DMXL1: variants seen among roughly 807,000 people sequenced by gnomAD.
The protein encoded by DMXL1 is Dmx like 1.
DMXL1 carries 99 observed loss-of-function variants against 319.2 expected under a neutral mutation model. The observed-to-expected ratio is 0.31, with a 90% confidence interval of 0.26 to 0.37. The LOEUF is 0.37. Ranked by LOEUF, DMXL1 falls within the 10% of genes least tolerant of loss-of-function variation. The pLI, the probability that DMXL1 is intolerant of heterozygous loss-of-function variation, is 1.00. For synonymous variants in DMXL1, 1,385 were observed against 1,235.2 expected, an observed-to-expected ratio of 1.12 and a Z score of -2.54; for missense variants, 3,745 against 3,595.6, an observed-to-expected ratio of 1.04 and a Z score of -1.06.
Position 119,147,264 on chromosome 5 carries a change from C to T in DMXL1, c.2705C>T (p.Thr902Ile), listed in dbSNP as rs1231310602. 1.2e-6 allele frequency: 2 copies of T among 1,612,414 alleles called. No homozygotes were observed. Among genetic ancestry groups the T allele is most frequent in the African/African-American group, 2.7e-5 (2 of 74,796 alleles). The change falls in exon 17 of 44, where the codon ACA (threonine) becomes ATA (isoleucine). Residue 902 changes from threonine (T) to isoleucine (I), a missense_variant. Physicochemically the swap from Thr to Ile is moderately conservative, Grantham distance 89. Transcript: ENST00000539542. Reference sequence around the variant, plus strand: ...TGTTTTGTAGATGAAAAAGTAGATACAAAATTATCCGAAGCGGTTTGGCAG... The same window carrying T: ...TGTTTTGTAGATGAAAAAGTAGATATAAAATTATCCGAAGCGGTTTGGCAG... ...IPVSLDEKVD[T>I]KLSEAVWQPE...
intron 1 of DMXL1, among the ~76,000 whole-genome samples, chr5:119,082,755 A>G (rs952390468): frequency 1.3e-5 from 2 of 152,246 alleles, no homozygotes; most frequent in East Asian, 3.8e-4. Flanking sequence ...TTTGAAATAT[A>G]CAATAGATTA....
At chr5:119,209,367 A>T (rs58523349) in intron 34 of DMXL1, among the ~76,000 whole-genome samples, 19,795 of 137,728 alleles carry the variant, frequency 0.14, 1,437 homozygotes, top group South Asian at 0.23. Flanking sequence ...TTTTTTTTTT[A>T]AAAGGCAGGG....
rs866249976 is a variant in DMXL1, at chr5:119,124,026, G to T, written c.1102+2887G>T. On this transcript the variant is annotated intron_variant, in intron 9 of 43. Transcript: ENST00000539542. ...CATTCATATCAAAAGTAACACCAAG[G>T]AGCTGGGCATGGTCACTCATACCTG... Among the ~76,000 whole-genome samples, 3 of 151,384 alleles carry T rather than the reference G, an allele frequency of 2.0e-5. No homozygotes were observed. In the Middle Eastern group the frequency reaches 0.01, roughly 515 times the overall value.
chr5:119,196,793 G>C lies in DMXL1; in HGVS notation c.7543+337G>C, dbSNP rs142612929. Among the ~76,000 whole-genome samples, 836 of 152,014 alleles carry C rather than the reference G, an allele frequency of 5.5e-3. 9 individuals carry two copies. The highest frequency in any genetic ancestry group is 0.019 in the African/African-American group (793 of 41,470). ...GCTAGCAATTATTAACTTCAAAGGA[G>C]GAAAAGATTGTACAGGAAAGAAAGG... On this transcript the variant is annotated intron_variant, in intron 31 of 43. Coordinates refer to ENST00000539542, the MANE Select transcript of DMXL1 (RefSeq NM_001290321.3).
At chr5:119,128,925 G>A (rs1023058474) in intron 9 of DMXL1, among the ~76,000 whole-genome samples, 2 of 151,932 alleles carry the variant, frequency 1.3e-5, no homozygotes, top group Non-Finnish European at 2.9e-5. Context: ...TTAGCTGGGC[G>A]TGGTGGCGTG....
Position 119,149,329 on chromosome 5 carries a change from C to G in DMXL1, c.3502C>G (p.Leu1168Val). The part of the protein sequence containing the change: ...IGSKLFMYGP[L>V]AGKVQDQTGK... ...ATCAAAACTTTTTATGTATGGACCC[C>G]TGGCTGGCAAGGTACAAGACCAAAC... The change falls in exon 18 of 44, where the codon CTG becomes GTG. Residue 1168 changes from leucine to valine, a missense_variant. This residue lies in a region of DMXL1 where 2,096 missense variants were observed against 1,985.4 expected (regional missense o/e 1.06). Coordinates refer to ENST00000539542, the MANE Select transcript of DMXL1 (RefSeq NM_001290321.3). The G allele has an allele frequency of 1.2e-6, 2 of 1,613,944 alleles. No homozygotes were observed. The highest frequency in any genetic ancestry group is 1.7e-6 in the Non-Finnish European group (2 of 1,179,900).
chr5:119,101,966 T>G lies in DMXL1; in HGVS notation c.245T>G (p.Ile82Ser). The stretch of plus-strand genomic sequence containing the variant: ...GCGTCTTATGGAAATGTTATCTCCA[T>G]TTTTGAACCAGTTAACCTACCAAAA... The part of the protein sequence containing the change: ...IAASYGNVIS[I>S]FEPVNLPKQK... The change falls in exon 3 of 44, where the codon ATT becomes AGT. Residue 82 changes from isoleucine to serine, a missense_variant. Transcript: ENST00000539542. The G allele has an allele frequency of 6.2e-7, 1 of 1,606,386 alleles. No homozygotes were observed. The highest frequency in any genetic ancestry group is 8.5e-7 in the Non-Finnish European group (1 of 1,176,450).
In DMXL1 at chr5:119,193,889, A is replaced by G. The variant is rs1342168671; in HGVS notation, c.7376A>G (p.Asp2459Gly). The change falls in exon 30 of 44, where the codon GAT becomes GGT. Residue 2459 changes from aspartate to glycine, a missense_variant. This residue lies in a region of DMXL1 where 1,382 missense variants were observed against 1,269.5 expected (regional missense o/e 1.09). Coordinates refer to ENST00000539542, the MANE Select transcript of DMXL1 (RefSeq NM_001290321.3). ...GATTCAGAGGAGAGTCTGGGAAGTG[A>G]TGATGATGACAATGATGATGATGAT... Reference protein sequence around the residue: ...EYDSEESLGSDDDDNDDDDDV... With the variant: ...EYDSEESLGSGDDDNDDDDDV... The G allele has an allele frequency of 6.2e-7, 1 of 1,612,436 alleles. No homozygotes were observed. The highest frequency in any genetic ancestry group is 8.5e-7 in the Non-Finnish European group (1 of 1,179,132).
In DMXL1 at chr5:119,240,412, T is replaced by C. The variant is rs1438135937; in HGVS notation, c.8652-7T>C. On this transcript the variant is annotated splice_polypyrimidine_tract_variant and splice_region_variant and intron_variant, in intron 41 of 43. Transcript: ENST00000539542. ...CACTCAGAAGTAATCTTTTTTTTTT[T>C]TTCCAGAAACGTATGTTTGTGGGAT... The C allele has an allele frequency of 1.3e-6, 2 of 1,597,706 alleles. No individual in the cohort carries two copies. Among genetic ancestry groups the C allele is most frequent in the Non-Finnish European group, 1.7e-6 (2 of 1,172,548 alleles).
intron 38 of DMXL1, among the ~76,000 whole-genome samples, chr5:119,227,327 G>A (rs1041164721): frequency 1.3e-5 from 2 of 151,984 alleles, no homozygotes; most frequent in Non-Finnish European, 2.9e-5. Flanking sequence ...ACACTTGATA[G>A]GTTCTATATA....
intron 1 of DMXL1, among the ~76,000 whole-genome samples, chr5:119,084,155 C>T (rs1248226215): frequency 6.6e-6 from 1 of 151,354 alleles, no homozygotes; most frequent in Non-Finnish European, 1.5e-5. Context: ...GAGTCTTGTG[C>T]TGTTGCCCAG....
At chr5:119,097,847 A>T (rs1297800494) in intron 1 of DMXL1, 132 bp from the exon 2 acceptor site, 5 of 819,394 alleles carry the variant, frequency 6.1e-6, no homozygotes, top group Admixed American at 3.3e-5. Context: ...TTTTTTTTTT[A>T]AGAAAACACC....
intron 25 of DMXL1, among the ~76,000 whole-genome samples, chr5:119,173,089 AGCAT>A (rs1774915155): frequency 6.6e-6 from 1 of 152,140 alleles, no homozygotes; most frequent in Non-Finnish European, 1.5e-5. Flanking sequence ...CTCTAATCCC[AGCAT>A]TTTGGGAGGT....
chr5:119,218,842 T>C (rs1368319012), intron 35 of DMXL1, among the ~76,000 whole-genome samples: 1 of 152,226 alleles, frequency 6.6e-6, no homozygotes, highest in African/African-American at 2.4e-5. Flanking sequence ...TTAAATGCCA[T>C]TGAGATTTTT....
chr5:119,203,495 G>T, intron 33 of DMXL1, 59 bp downstream of exon 33: 1 of 994,076 alleles, frequency 1.0e-6, no homozygotes, highest in South Asian at 2.0e-5. Flanking sequence ...ATATTATCAT[G>T]TAACCATTAA....
intron 27 of DMXL1, 68 bp downstream of exon 27, chr5:119,177,552 T>TGC (rs1554129315): frequency 8.1e-7 from 1 of 1,234,246 alleles, no homozygotes; most frequent in Non-Finnish European, 1.1e-6. Context: ...GTAGAAAGAC[T>TGC]TTTAGTTTTG....
chr5:119,174,589 C>A (rs1342205615), intron 25 of DMXL1, among the ~76,000 whole-genome samples: 1 of 152,246 alleles, frequency 6.6e-6, no homozygotes, highest in Admixed American at 6.5e-5. Context: ...TGGCATACTT[C>A]ACAATCAGAT....
chr5:119,110,504 C>T (rs1021615426), intron 5 of DMXL1, among the ~76,000 whole-genome samples: 1 of 152,144 alleles, frequency 6.6e-6, no homozygotes, highest in Non-Finnish European at 1.5e-5. Context: ...ATGTGTAAGG[C>T]TTACATGAAG....
chr5:119,166,941 G>T (rs1773551274), intron 22 of DMXL1, among the ~76,000 whole-genome samples, 160 bp downstream of exon 22: 1 of 151,966 alleles, frequency 6.6e-6, no homozygotes, highest in Non-Finnish European at 1.5e-5. Context: ...TTAAAATTTT[G>T]ACTGTTAACT....
Sources: gnomAD v4.1 joint callset for allele counts (sites outside exome capture counted in the v4.1 genomes callset) on GRCh38, gnomAD v4.1.1 for gene constraint, gnomAD v4.1.1 regional missense constraint, MANE v1.5 for transcripts, NCBI Gene and HGNC (gene_info 2026-07-23, HGNC 2026-07-21) for gene names.